KCNQ1: variants seen among roughly 807,000 people sequenced by gnomAD.
The protein encoded by KCNQ1 is potassium voltage-gated channel subfamily Q member 1, also known as potassium voltage-gated channel subfamily KQT member 1.
KCNQ1 carries 49 observed loss-of-function variants against 72.4 expected under a neutral mutation model. The observed-to-expected ratio is 0.68, with a 90% CI of 0.54 to 0.86. KCNQ1 has a LOEUF of 0.86. Ranked by LOEUF, KCNQ1 falls within the 40% of genes least tolerant of loss-of-function variation. The pLI, the probability that KCNQ1 is intolerant of heterozygous loss-of-function variation, is 0.00. For synonymous variants in KCNQ1, 450 were observed against 412.6 expected (o/e 1.09, Z -1.10); for missense variants, 790 against 945.1 (o/e 0.84, Z 2.15).
At chr11:2,692,255 C>G in intron 11 of KCNQ1, 1 of 398,984 alleles carries the variant, frequency 2.5e-6, no homozygotes. Context: ...ATCACCAAGC[C>G]AGGCTTACTT....
intron 1 of KCNQ1, among the ~76,000 whole-genome samples, chr11:2,467,273 C>T (rs1013424326): frequency 6.6e-6 from 1 of 152,110 alleles, no homozygotes; most frequent in African/African-American, 2.4e-5. Flanking sequence ...GAGCGCCCTT[C>T]GTGGCACCTT....
Position 2,645,057 on chromosome 11 carries a change from T to C in KCNQ1, c.1394-16904T>C. ...AGGCAACTTGCTCAGGTGCCAATGATGACAGAGCTGGGCCACAGGGTGGGT... is the reference window on the plus strand; with the variant it reads ...AGGCAACTTGCTCAGGTGCCAATGACGACAGAGCTGGGCCACAGGGTGGGT... On this transcript the variant is annotated intron_variant, in intron 10 of 15. Transcript: ENST00000155840. The surrounding 1 kb of genome is among the most constrained non-coding windows in gnomAD (Gnocchi z 5.8). 7.5e-6 allele frequency: 3 copies of C among 398,776 alleles called. No individual in the cohort carries two copies. The highest frequency in any genetic ancestry group is 1.3e-5 in the Non-Finnish European group (3 of 226,196). 24.7% of individuals were successfully genotyped at this position (398,776 alleles called of 1,614,324 possible).
rs940643429 is a variant in KCNQ1 at position 2,621,494 on chromosome 11, T to C, written c.1393+32640T>C. On this transcript the variant is annotated intron_variant, in intron 10 of 15. Coordinates refer to ENST00000155840, the MANE Select transcript of KCNQ1 (RefSeq NM_000218.3). The surrounding 1 kb of genome is among the most constrained non-coding windows in gnomAD (Gnocchi z 5.7). ...CAAATATTTTTTCTCCCATTCTATA[T>C]GTTGTCTGTTTACTCTGTTGATAAT... 2.5e-6 allele frequency: 1 copy of C among 398,544 alleles called. No individual in the cohort carries two copies. The highest frequency in any genetic ancestry group is 4.4e-6 in the Non-Finnish European group (1 of 226,024). The allele number at this position is 398,544 out of a possible 1,614,324, so 24.7% of individuals were successfully genotyped here.
At position 2,451,864 on chromosome 11, in the gene KCNQ1, C is replaced by A. The variant is rs900014250; in HGVS notation, c.386+6380C>A. 1.4e-4 allele frequency among the ~76,000 whole-genome samples: 22 copies of A among 152,282 alleles called. No homozygotes were observed. Among genetic ancestry groups the A allele is most frequent in the African/African-American group, 4.1e-4 (17 of 41,560 alleles). On this transcript the variant is annotated intron_variant, in intron 1 of 15. Transcript: ENST00000155840. This position sits in a 1 kb window ranked among gnomAD's most constrained non-coding sequence, Gnocchi z 6.4. The stretch of plus-strand genomic sequence containing the variant: ...CCACACCCAGAAAGCCCTCAGGACA[C>A]CCAGAAGCCCTTAGGATGCCCAGAA...
At chr11:2,719,664 C>A (rs941393939) in intron 11 of KCNQ1, among the ~76,000 whole-genome samples, 34 of 152,166 alleles carry the variant, frequency 2.2e-4, no homozygotes, top group African/African-American at 8.0e-4. Context: ...GAAGGCCCAG[C>A]AGTAGCAAAG....
In KCNQ1 at chr11:2,668,960, T is replaced by G. The variant is rs1340843817; in HGVS notation, c.1514+6879T>G. The G allele has an allele frequency of 5.0e-6, 2 of 397,800 alleles. No homozygotes were observed. The highest frequency in any genetic ancestry group is 3.6e-5 in the East Asian group (1 of 28,052). 24.6% of individuals were successfully genotyped at this position (397,800 alleles called of 1,614,324 possible). A position where few individuals can be genotyped will look rare whatever the true frequency, so the allele number is the denominator to read the frequency against. ...TGTAGATCTGCACTCCATCTGGGAT[T>G]GATTTTTGTGTCCAATGTGAGGCCG... On this transcript the variant is annotated intron_variant, in intron 11 of 15. Coordinates refer to ENST00000155840, the MANE Select transcript of KCNQ1 (RefSeq NM_000218.3). This position sits in a 1 kb window ranked among gnomAD's most constrained non-coding sequence, Gnocchi z 4.3.
rs987676529 is a variant in KCNQ1 at position 2,567,773 on chromosome 11, C to G, written c.478-2855C>G. Among the ~76,000 whole-genome samples, 1 of 152,210 alleles carries G rather than the reference C, an allele frequency of 6.6e-6. No individual in the cohort carries two copies. The highest frequency in any genetic ancestry group is 2.4e-5 in the African/African-American group (1 of 41,442). ...CATTCCTACCACCTTGTCCCACAGGCAGGAGTCCTGCCATCTTCGAAGGCC... is the reference window on the plus strand; with the variant it reads ...CATTCCTACCACCTTGTCCCACAGGGAGGAGTCCTGCCATCTTCGAAGGCC... On this transcript the variant is annotated intron_variant, in intron 2 of 15. Transcript: ENST00000155840. This position sits in a 1 kb window ranked among gnomAD's most constrained non-coding sequence, Gnocchi z 6.6.
chr11:2,725,256 G>A lies in KCNQ1; in HGVS notation c.1515-43588G>A, dbSNP rs570909084. 4.6e-5 allele frequency among the ~76,000 whole-genome samples: 7 copies of A among 152,346 alleles called. No individual in the cohort carries two copies. Among genetic ancestry groups the A allele is most frequent in the African/African-American group, 7.2e-5 (3 of 41,580 alleles). ...TTCCCAGAATCCATCCGGGACAGACGGCTGGACTTGTGAAACACTCCAGGG... is the reference window on the plus strand; with the variant it reads ...TTCCCAGAATCCATCCGGGACAGACAGCTGGACTTGTGAAACACTCCAGGG... On this transcript the variant is annotated intron_variant, in intron 11 of 15. Coordinates refer to ENST00000155840, the MANE Select transcript of KCNQ1 (RefSeq NM_000218.3). This position sits in a 1 kb window ranked among gnomAD's most constrained non-coding sequence, Gnocchi z 7.2.
At position 2,593,517 on chromosome 11, in the gene KCNQ1, T is replaced by C. The variant is rs530512285; in HGVS notation, c.1393+4663T>C. ...GGAGGCGTCTTCAAAGCTGTGCCTG[T>C]GTGTGTCACCACGTGTTTGCCAGGT... is the stretch of plus-strand genomic sequence containing the variant. On this transcript the variant is annotated intron_variant, in intron 10 of 15. Transcript: ENST00000155840. The surrounding 1 kb of genome is among the most constrained non-coding windows in gnomAD (Gnocchi z 6.9). Among the ~76,000 whole-genome samples, 2 of 152,322 alleles carry C rather than the reference T, an allele frequency of 1.3e-5. No individual in the cohort carries two copies. Among genetic ancestry groups the C allele is most frequent in the African/African-American group, 4.8e-5 (2 of 41,572 alleles).
chr11:2,583,563 G>A lies in KCNQ1; in HGVS notation c.1032+18G>A. 6.4e-7 allele frequency: 1 copy of A among 1,568,948 alleles called. No individual in the cohort carries two copies. The highest frequency in any genetic ancestry group is 8.8e-7 in the Non-Finnish European group (1 of 1,138,982). On this transcript the variant is annotated intron_variant, in intron 7 of 15. Coordinates refer to ENST00000155840, the MANE Select transcript of KCNQ1 (RefSeq NM_000218.3). Reference sequence around the variant, plus strand: ...TCCCAGCGGTAGGTGCCCCGTGGGTGCGTTTTCCCTGGCTCCTTGGACAGC... The same window carrying A: ...TCCCAGCGGTAGGTGCCCCGTGGGTACGTTTTCCCTGGCTCCTTGGACAGC...
At chr11:2,721,839 A>G (rs1032917498) in intron 11 of KCNQ1, among the ~76,000 whole-genome samples, 20 of 152,298 alleles carry the variant, frequency 1.3e-4, no homozygotes, top group African/African-American at 4.3e-4. Context: ...CCATCCATCC[A>G]TCTGTCCCTT....
Position 2,611,806 on chromosome 11 carries a change from C to CT in KCNQ1, c.1393+22954dup, listed in dbSNP as rs1329675736. 2.5e-6 allele frequency: 1 copy of CT among 398,186 alleles called. No homozygotes were observed. Among genetic ancestry groups the CT allele is most frequent in the East Asian group, 3.6e-5 (1 of 28,026 alleles). 24.7% of individuals were successfully genotyped at this position (398,186 alleles called of 1,614,324 possible). A position where few individuals can be genotyped will look rare whatever the true frequency, so the allele number is the denominator to read the frequency against. ...TGTTCCTCTCTTCCTCCTTTACTGC[C>CT]TTCTGCAGGTTGAATAGATATGTTC... On this transcript the variant is annotated intron_variant, in intron 10 of 15. Coordinates refer to ENST00000155840, the MANE Select transcript of KCNQ1 (RefSeq NM_000218.3). The surrounding 1 kb of genome is among the most constrained non-coding windows in gnomAD (Gnocchi z 5.3).
intron 10 of KCNQ1, chr11:2,625,717 C>T (rs986706029): frequency 7.6e-6 from 3 of 397,282 alleles, no homozygotes; most frequent in Admixed American, 4.4e-5. Context: ...CTACAGGCGC[C>T]CACCACCACG....
intron 11 of KCNQ1, chr11:2,667,659 C>T: frequency 2.5e-6 from 1 of 398,662 alleles, no homozygotes; most frequent in Non-Finnish European, 4.4e-6. Flanking sequence ...GGAGATTGAA[C>T]TGCAGAGCCT....
rs1847913358 is a variant in KCNQ1, at chr11:2,547,310, AC to A, written c.477+19297del. ...AGTGGCATGATCTCAGCTCACTGAA[AC>A]CCCCATCTCCCAGGGTTTAAGTGAT... On this transcript the variant is annotated intron_variant, in intron 2 of 15. Coordinates refer to ENST00000155840, the MANE Select transcript of KCNQ1 (RefSeq NM_000218.3). The surrounding 1 kb of genome is among the most constrained non-coding windows in gnomAD (Gnocchi z 4.2). 6.6e-6 allele frequency among the ~76,000 whole-genome samples: 1 copy of A among 151,960 alleles called. No homozygotes were observed. Among genetic ancestry groups the A allele is most frequent in the Non-Finnish European group, 1.5e-5 (1 of 67,984 alleles).
In KCNQ1 at chr11:2,445,124, G is replaced by C. The variant is rs1469698360; in HGVS notation, c.26G>C (p.Arg9Thr). Residue 9 changes from arginine (R) to threonine (T), a missense_variant, in exon 1 of 16, where the codon AGG (arginine) becomes ACG (threonine). By Grantham distance (71) the Arg-to-Thr change is moderately conservative. Around this residue, in one of 5 missense-constraint regions of KCNQ1, gnomAD observed 294 missense variants for 323.3 expected, o/e 0.91. Transcript: ENST00000155840. MAAASSPP[R>T]AERKRWGWGR... is the part of the protein sequence containing the mutation. Reference sequence around the variant, plus strand: ...ATGGCCGCGGCCTCCTCCCCGCCCAGGGCCGAGAGGAAGCGCTGGGGTTGG... The same window carrying C: ...ATGGCCGCGGCCTCCTCCCCGCCCACGGCCGAGAGGAAGCGCTGGGGTTGG... 9 of 1,110,660 alleles carry C rather than the reference G, an allele frequency of 8.1e-6. No homozygotes were observed. The highest frequency in any genetic ancestry group is 9.9e-6 in the Non-Finnish European group (9 of 908,788). The allele number at this position is 1,110,660 out of a possible 1,614,324, so 68.8% of individuals were successfully genotyped here. A position where few individuals can be genotyped will look rare whatever the true frequency, so the allele number is the denominator to read the frequency against.
At chr11:2,845,886 G>A (rs1290605428) in intron 15 of KCNQ1, among the ~76,000 whole-genome samples, 2 of 152,152 alleles carry the variant, frequency 1.3e-5, no homozygotes, top group East Asian at 1.9e-4. Context: ...CACCCTGTTG[G>A]CCGCCTCTTC....
chr11:2,697,127 G>A, intron 11 of KCNQ1: 1 of 398,580 alleles, frequency 2.5e-6, no homozygotes, highest in Non-Finnish European at 4.4e-6. Context: ...GAGTTTTCCA[G>A]AGGCAGCACA....
chr11:2,465,797 G>T (rs1463663259), intron 1 of KCNQ1, among the ~76,000 whole-genome samples: 1 of 152,232 alleles, frequency 6.6e-6, no homozygotes, highest in Non-Finnish European at 1.5e-5. Context: ...AACAATGAAT[G>T]GTACAGATCC....
Sources: allele counts gnomAD v4.1 joint callset (sites outside exome capture counted in the v4.1 genomes callset), GRCh38; gene constraint gnomAD v4.1.1; regional missense constraint gnomAD v4.1.1; non-coding constraint Gnocchi (gnomAD v3.1); transcripts MANE v1.5; gene names NCBI Gene and HGNC (gene_info 2026-07-23, HGNC 2026-07-21).